Variants in TMEM38B observed in about 807,000 individuals in gnomAD.
TMEM38B encodes transmembrane protein 38B.
A neutral mutation model predicts 28.7 loss-of-function variants in TMEM38B; 24 were observed. That is an observed-to-expected ratio of 0.84 (90% CI 0.61 to 1.18). The LOEUF (loss-of-function observed/expected upper bound fraction) is 1.18, where lower values mean the gene tolerates loss of function less well. Ranked by LOEUF, TMEM38B falls within the 50% of genes most tolerant of loss-of-function variation. The pLI is 0.00. For missense variants in TMEM38B, 380 were observed against 350.9 expected, an observed-to-expected ratio of 1.08 and a Z score of -0.66; for synonymous variants, 131 against 127.7, an observed-to-expected ratio of 1.03 and a Z score of -0.17.
At chr9:105,707,777 A>G (rs955047717) in intron 2 of TMEM38B, among the ~76,000 whole-genome samples, 8 of 152,226 alleles carry the variant, frequency 5.3e-5, no homozygotes, top group African/African-American at 1.9e-4. Context: ...GAATCAAAAC[A>G]AGAAGTTTTT....
chr9:105,731,622 C>T (rs1015139117), intron 4 of TMEM38B, among the ~76,000 whole-genome samples: 23 of 152,136 alleles, frequency 1.5e-4, no homozygotes, highest in East Asian at 1.9e-4. Flanking sequence ...CATGGCCCTA[C>T]AAAGGACATG....
intron 2 of TMEM38B, among the ~76,000 whole-genome samples, chr9:105,707,494 A>C (rs897481375): frequency 3.3e-5 from 5 of 152,162 alleles, no homozygotes; most frequent in Admixed American, 3.3e-4. Context: ...GAACACTTAC[A>C]GTTCATTTTT....
intron 4 of TMEM38B, among the ~76,000 whole-genome samples, chr9:105,746,428 G>A (rs887049474): frequency 2.0e-5 from 3 of 152,190 alleles, no homozygotes; most frequent in Admixed American, 1.3e-4. Context: ...CATTGATTTT[G>A]TATCCTGAGA....
chr9:105,743,749 A>G (rs1837289655), intron 4 of TMEM38B, among the ~76,000 whole-genome samples: 3 of 152,184 alleles, frequency 2.0e-5, no homozygotes, highest in African/African-American at 7.2e-5. Flanking sequence ...GAGTATTTAC[A>G]TCATGGAAAT....
At chr9:105,734,273 T>C (rs1836884322) in intron 4 of TMEM38B, among the ~76,000 whole-genome samples, 1 of 152,166 alleles carries the variant, frequency 6.6e-6, no homozygotes, top group Non-Finnish European at 1.5e-5. Context: ...TGTTGTTGAT[T>C]TCTAGTTTTA....
intron 2 of TMEM38B, among the ~76,000 whole-genome samples, chr9:105,718,360 TCCCAAGTAGCTGGGATTATAGGCG>T (rs1251170178): frequency 6.6e-6 from 1 of 151,846 alleles, no homozygotes; most frequent in Non-Finnish European, 1.5e-5. Context: ...TGCCTCAGCC[TCCCAAGTAGCTGGGATTATAGGCG>T]CCCGCCACCA....
At chr9:105,747,497 A>T (rs932711719) in intron 4 of TMEM38B, among the ~76,000 whole-genome samples, 5 of 151,932 alleles carry the variant, frequency 3.3e-5, no homozygotes, top group African/African-American at 1.2e-4. Context: ...CTAGCGGTCT[A>T]TCAATTTTGC....
At chr9:105,730,067 A>G (rs1368681763) in intron 4 of TMEM38B, among the ~76,000 whole-genome samples, 2 of 152,026 alleles carry the variant, frequency 1.3e-5, no homozygotes, top group African/African-American at 4.8e-5. Context: ...AATACGCTTT[A>G]TTTCTTTCTC....
chr9:105,736,004 G>T (rs1836959589), intron 4 of TMEM38B, among the ~76,000 whole-genome samples: 1 of 151,730 alleles, frequency 6.6e-6, no homozygotes, highest in African/African-American at 2.4e-5. Context: ...AAAATAGCTG[G>T]TATTTAGAGA....
In TMEM38B at chr9:105,774,043, A is replaced by G. The variant is rs1377132830; in HGVS notation, c.839A>G (p.Asp280Gly). 6.2e-7 allele frequency: 1 copy of G among 1,613,704 alleles called. No homozygotes were observed. The highest frequency in any genetic ancestry group is 2.2e-5 in the East Asian group (1 of 44,876). Residue 280 changes from aspartate (D) to glycine (G), a missense_variant, in exon 6 of 6, where the codon GAT (aspartate) becomes GGT (glycine). Physicochemically the swap from Asp to Gly is moderately conservative, Grantham distance 94 (BLOSUM62 -1). Transcript: ENST00000374692. ...LASKPVDVASDNVKKKHTKKN... is the reference protein window; with the variant it reads ...LASKPVDVASGNVKKKHTKKN... ...TCAAAGCCGGTAGATGTTGCCTCAG[A>G]TAATGTTAAAAAGAAACATACTAAG...
chr9:105,718,248 T>G (rs1473419667), intron 2 of TMEM38B, among the ~76,000 whole-genome samples: 1 of 152,132 alleles, frequency 6.6e-6, no homozygotes, highest in East Asian at 1.9e-4. Context: ...GAGGTTTTTT[T>G]TTTTTTTTAG....
chr9:105,720,430 TCTGAG>T (rs1233214830), intron 2 of TMEM38B, among the ~76,000 whole-genome samples: 3 of 152,018 alleles, frequency 2.0e-5, no homozygotes, highest in Non-Finnish European at 4.4e-5. Context: ...CAGAATGTAG[TCTGAG>T]CTGAGATGTT....
intron 5 of TMEM38B, among the ~76,000 whole-genome samples, chr9:105,771,546 A>G (rs1826542885): frequency 6.6e-6 from 1 of 152,224 alleles, no homozygotes; most frequent in Non-Finnish European, 1.5e-5. Flanking sequence ...TTTTCCTGAC[A>G]GTAGACCATT....
intron 5 of TMEM38B, among the ~76,000 whole-genome samples, chr9:105,761,998 C>G (rs1157543277): frequency 6.6e-6 from 1 of 152,040 alleles, no homozygotes; most frequent in Non-Finnish European, 1.5e-5. Flanking sequence ...CGACTTGGTA[C>G]AAACTTGAAG....
chr9:105,710,633 G>T (rs1201542550), intron 2 of TMEM38B: 2 of 744,520 alleles, frequency 2.7e-6, no homozygotes, highest in South Asian at 2.7e-5. Flanking sequence ...TCCTCTCTTG[G>T]ATGGTGAGTG....
intron 1 of TMEM38B, among the ~76,000 whole-genome samples, chr9:105,698,717 C>T (rs1835365471): frequency 1.3e-5 from 2 of 152,008 alleles, no homozygotes; most frequent in Admixed American, 1.3e-4. Flanking sequence ...AGTTTGGGCC[C>T]AAGGTTATGC....
At chr9:105,755,068 ACC>A (rs1275926597) in intron 5 of TMEM38B, among the ~76,000 whole-genome samples, 2 of 152,156 alleles carry the variant, frequency 1.3e-5, no homozygotes, top group Non-Finnish European at 2.9e-5. Context: ...GGACACATAC[ACC>A]CTTGCAAGAC....
chr9:105,772,104 C>CA (rs1181769807), intron 5 of TMEM38B, among the ~76,000 whole-genome samples: 1 of 152,224 alleles, frequency 6.6e-6, no homozygotes, highest in Non-Finnish European at 1.5e-5. Flanking sequence ...TGGGCAGTTT[C>CA]ACCTTGTCTG....
At chr9:105,757,021 A>G (rs1837859016) in intron 5 of TMEM38B, among the ~76,000 whole-genome samples, 1 of 152,074 alleles carries the variant, frequency 6.6e-6, no homozygotes, top group African/African-American at 2.4e-5. Flanking sequence ...AGCGGTGTAT[A>G]CTGTACCCAA....
Sources: gnomAD v4.1 joint callset for allele counts (sites outside exome capture counted in the v4.1 genomes callset) on GRCh38, gnomAD v4.1.1 for gene constraint, MANE v1.5 for transcripts, NCBI Gene and HGNC (gene_info 2026-07-23, HGNC 2026-07-21) for gene names.